The following MPP7 variants were observed in gnomAD, a reference collection of about 807,000 sequenced individuals.
MPP7 encodes the protein MAGUK p55 scaffold protein 7.
MPP7 carries 60 observed loss-of-function variants against 76.5 expected under a neutral mutation model. That is an observed-to-expected ratio of 0.78 (90% CI 0.64 to 0.97). MPP7 has a LOEUF of 0.97. Ranked by LOEUF, MPP7 falls within the 50% of genes least tolerant of loss-of-function variation. The probability of loss-of-function intolerance (pLI) is 0.00; values close to 1 mark genes in which losing one functional copy is unlikely to be tolerated. For missense variants in MPP7, 641 were observed against 694.0 expected (o/e 0.92, Z 0.86); for synonymous variants, 237 against 244.5 (o/e 0.97, Z 0.29).
chr10:28,329,617 C>T (rs1148187), intron 2 of MPP7, among the ~76,000 whole-genome samples: 37,518 of 128,242 alleles, frequency 0.29, 6,596 homozygotes, highest in African/African-American at 0.54. Flanking sequence ...GGCAACAGAG[C>T]GAGACTCCGT....
intron 13 of MPP7, 135 bp downstream of exon 13, chr10:28,069,637 G>T: frequency 4.0e-6 from 2 of 494,586 alleles, no homozygotes; most frequent in South Asian, 1.0e-4. Flanking sequence ...AAACTCACAT[G>T]CCCCATAAAT....
intron 1 of MPP7, among the ~76,000 whole-genome samples, chr10:28,271,753 A>C (rs1840332557): frequency 6.6e-6 from 1 of 152,162 alleles, no homozygotes; most frequent in Non-Finnish European, 1.5e-5. Context: ...AAGCAGGTGG[A>C]TCACGAGGTC....
chr10:28,276,365 A>T (rs925011187), intron 1 of MPP7, among the ~76,000 whole-genome samples: 1 of 152,096 alleles, frequency 6.6e-6, no homozygotes, highest in Admixed American at 6.5e-5. Context: ...TATAAACATT[A>T]CCAAGTAGCA....
At chr10:28,254,805 G>A (rs923707924) in intron 1 of MPP7, 2 of 152,072 alleles carry the variant, frequency 1.3e-5, no homozygotes, top group East Asian at 1.9e-4. Context: ...AAATCAAGTC[G>A]GCCTGCCCAA....
intron 1 of MPP7, among the ~76,000 whole-genome samples, chr10:28,246,792 C>A (rs1839448486): frequency 6.6e-6 from 1 of 152,050 alleles, no homozygotes; most frequent in South Asian, 2.1e-4. Context: ...TAGATCCCTC[C>A]CTTGACACAT....
chr10:28,067,399 T>C (rs1159102042), intron 13 of MPP7, among the ~76,000 whole-genome samples: 1 of 151,500 alleles, frequency 6.6e-6, no homozygotes, highest in Non-Finnish European at 1.5e-5. Flanking sequence ...GCTGGTTTGA[T>C]GCGGTATTTT....
intron 13 of MPP7, among the ~76,000 whole-genome samples, chr10:28,066,616 C>G (rs1851998027): frequency 6.6e-6 from 1 of 152,100 alleles, no homozygotes; most frequent in African/African-American, 2.4e-5. Flanking sequence ...TGTTTAACAC[C>G]CCCATGTAGC....
rs187652838 is a variant in MPP7 at position 28,201,558 on chromosome 10, G to T, written c.156+595C>A. On this transcript the variant is annotated intron_variant, in intron 3 of 16. Coordinates refer to ENST00000683449, the MANE Select transcript of MPP7 (RefSeq NM_001318170.2). Reference sequence around the variant, plus strand: ...AGGAGTTCTGATCACTCCCAATGTTGCTGTATGGCCAGACCCGATTTCTGC... The same window carrying T: ...AGGAGTTCTGATCACTCCCAATGTTTCTGTATGGCCAGACCCGATTTCTGC... 2.0e-5 allele frequency among the ~76,000 whole-genome samples: 3 copies of T among 152,194 alleles called. No individual in the cohort carries two copies. In the East Asian group the frequency reaches 5.8e-4, roughly 29 times the overall value.
chr10:28,292,257 C>T (rs1185980734), intron 1 of MPP7, among the ~76,000 whole-genome samples: 2 of 152,070 alleles, frequency 1.3e-5, no homozygotes, highest in East Asian at 1.9e-4. Context: ...CACACAATGA[C>T]GAAATCACCT....
chr10:28,187,500 G>T (rs1837276094), intron 3 of MPP7, among the ~76,000 whole-genome samples: 1 of 152,190 alleles, frequency 6.6e-6, no homozygotes, highest in Admixed American at 6.5e-5. Flanking sequence ...GGTGGCCATG[G>T]ATCATTCGCA....
intron 1 of MPP7, among the ~76,000 whole-genome samples, chr10:28,287,251 A>AG (rs1288928001): frequency 2.0e-5 from 3 of 152,214 alleles, no homozygotes; most frequent in Non-Finnish European, 4.4e-5. Flanking sequence ...AGAGTGTGAC[A>AG]GCTTTCCCAA....
rs73608045 is a variant in MPP7 at position 28,148,546 on chromosome 10, T to C, written c.235-983A>G. On this transcript the variant is annotated intron_variant, in intron 4 of 16. Coordinates refer to ENST00000683449, the MANE Select transcript of MPP7 (RefSeq NM_001318170.2). ...AATTTTCTCTAAAAGAAGGGCATAA[T>C]ATAAATTGTACACAAAAAATAAAAT... Among the ~76,000 whole-genome samples, 1,224 of 152,298 alleles carry C rather than the reference T, an allele frequency of 8.0e-3. 17 individuals carry two copies. Among genetic ancestry groups the C allele is most frequent in the African/African-American group, 0.028 (1,167 of 41,568 alleles).
At chr10:28,177,256 A>C in intron 3 of MPP7, among the ~76,000 whole-genome samples, 1 of 103,086 alleles carries the variant, frequency 9.7e-6, no homozygotes, top group Non-Finnish European at 2.0e-5. Flanking sequence ...CTCTACTAAA[A>C]ATGCAAAAAA....
intron 12 of MPP7, among the ~76,000 whole-genome samples, chr10:28,085,832 G>C (rs1180537791): frequency 6.6e-6 from 1 of 152,162 alleles, no homozygotes; most frequent in Non-Finnish European, 1.5e-5. Context: ...GAAAAAAAAG[G>C]CTTTAGGATT....
intron 11 of MPP7, among the ~76,000 whole-genome samples, chr10:28,098,020 G>C (rs1184906772): frequency 6.6e-6 from 1 of 152,064 alleles, no homozygotes; most frequent in African/African-American, 2.4e-5. Context: ...CATTGCATTT[G>C]TAAAACATTA....
At chr10:28,260,439 T>A (rs762620623) in intron 1 of MPP7, among the ~76,000 whole-genome samples, 5 of 152,124 alleles carry the variant, frequency 3.3e-5, no homozygotes, top group Non-Finnish European at 7.4e-5. Flanking sequence ...CTAAAACATA[T>A]GAAAATACCA....
intron 1 of MPP7, among the ~76,000 whole-genome samples, chr10:28,271,831 C>A (rs1840335652): frequency 1.3e-5 from 2 of 152,046 alleles, no homozygotes; most frequent in Admixed American, 1.3e-4. Flanking sequence ...AAAAATTAAC[C>A]AAGCGTGGTG....
Position 28,308,846 on chromosome 10 carries a change from C to CT in MPP7, c.-132+21082dup, listed in dbSNP as rs1170802135. On this transcript the variant is annotated intron_variant, in intron 2 of 11. Transcript: ENST00000441595. ...TTGTCTCTTCCTGCTTCAGTCAAAACTTTCTTTTTACATTTTTCTATATTG... is the reference window on the plus strand; with the variant it reads ...TTGTCTCTTCCTGCTTCAGTCAAAACTTTTCTTTTTACATTTTTCTATATTG... Among the ~76,000 whole-genome samples the CT allele has an allele frequency of 2.0e-5, 3 of 152,068 alleles. No homozygotes were observed. In the East Asian group the frequency reaches 5.8e-4, roughly 29 times the overall value.
intron 12 of MPP7, among the ~76,000 whole-genome samples, chr10:28,079,411 G>C (rs1313464766): frequency 6.6e-6 from 1 of 151,470 alleles, no homozygotes; most frequent in East Asian, 1.9e-4. Context: ...CCAGTTACTT[G>C]GGAGGCTGAG....
Sources: allele counts gnomAD v4.1 joint callset (sites outside exome capture counted in the v4.1 genomes callset), GRCh38; gene constraint gnomAD v4.1.1; transcripts MANE v1.5; gene names NCBI Gene and HGNC (gene_info 2026-07-23, HGNC 2026-07-21).